The following FBXO34 variants were observed in gnomAD, a reference collection of about 807,000 sequenced individuals.
FBXO34 encodes the protein F-box only protein 34.
In FBXO34, 12 loss-of-function variants were observed where a neutral mutation model predicts 24.5. The ratio of observed to expected loss-of-function variants is 0.49; its 90% confidence interval spans 0.31 to 0.79. The LOEUF is 0.79. FBXO34 is among the 30% of genes least tolerant of loss of function. FBXO34 has a pLI of 0.04. For synonymous variants in FBXO34, 320 were observed against 311.9 expected (o/e 1.03, Z -0.27); for missense variants, 823 against 857.7 (o/e 0.96, Z 0.51).
downstream of FBXO34, among the ~76,000 whole-genome samples, chr14:55,358,589 TG>T (rs981951284): frequency 3.3e-5 from 5 of 151,488 alleles, no homozygotes; most frequent in Admixed American, 2.0e-4. Context: ...ACAAAGATTC[TG>T]GAACAGTGCC....
chr14:55,345,467 T>A (rs1238262070), intron 1 of FBXO34, among the ~76,000 whole-genome samples: 1 of 152,194 alleles, frequency 6.6e-6, no homozygotes, highest in Non-Finnish European at 1.5e-5. Flanking sequence ...AATCAGGACT[T>A]CTCTGACCTG....
the FBXO34 span, chr14:55,428,770 T>C: frequency 1.4e-5 from 22 of 1,579,260 alleles, no homozygotes; most frequent in East Asian, 5.0e-4. Flanking sequence ...TTAAATATCT[T>C]GGTAAATTCA....
the FBXO34 span, among the ~76,000 whole-genome samples, chr14:55,394,113 T>G: frequency 1.1e-4 from 16 of 151,940 alleles, no homozygotes; most frequent in African/African-American, 3.6e-4. Flanking sequence ...TTCAAGTGAT[T>G]CTCCTGCCAC....
At chr14:55,279,145 G>A (rs1289005540) in intron 1 of FBXO34, among the ~76,000 whole-genome samples, 1 of 152,110 alleles carries the variant, frequency 6.6e-6, no homozygotes, top group Non-Finnish European at 1.5e-5. Flanking sequence ...AAATTAGCTG[G>A]GCATGGTGGT....
chr14:55,299,061 C>T, intron 1 of FBXO34: 1 of 1,572,228 alleles, frequency 6.4e-7, no homozygotes, highest in Admixed American at 1.7e-5. Flanking sequence ...AATTTCGAAA[C>T]CTGTAGGGTT....
At chr14:55,386,103 T>C in the FBXO34 span, 1 of 1,600,838 alleles carries the variant, frequency 6.2e-7, no homozygotes, top group Non-Finnish European at 8.5e-7. Context: ...GAATCTAAAA[T>C]AAATAAATCA....
At chr14:55,280,415 T>C (rs545447034) in intron 1 of FBXO34, among the ~76,000 whole-genome samples, 2 of 152,186 alleles carry the variant, frequency 1.3e-5, no homozygotes, top group Non-Finnish European at 2.9e-5. Context: ...CATAACTCTT[T>C]ACATAGCGTT....
chr14:55,271,621 C>T (rs1881146184), intron 1 of FBXO34, 84 bp downstream of exon 1: 1 of 148,294 alleles, frequency 6.7e-6, no homozygotes, highest in Non-Finnish European at 1.5e-5. Context: ...TCCCCGCCCC[C>T]TACCGCCGCC....
chr14:55,422,538 C>T, the FBXO34 span, among the ~76,000 whole-genome samples: 3 of 152,128 alleles, frequency 2.0e-5, no homozygotes, highest in African/African-American at 4.8e-5. Flanking sequence ...CGTGAGCCAC[C>T]GCGCCCGGTC....
chr14:55,289,175 CT>C (rs545942898), intron 1 of FBXO34, among the ~76,000 whole-genome samples: 36 of 152,080 alleles, frequency 2.4e-4, no homozygotes, highest in African/African-American at 6.5e-4. Flanking sequence ...TTAGCCTTCT[CT>C]TTTTTCCCCC....
chr14:55,322,555 G>A (rs542563778), intron 1 of FBXO34, among the ~76,000 whole-genome samples: 1 of 152,108 alleles, frequency 6.6e-6, no homozygotes, highest in South Asian at 2.1e-4. Flanking sequence ...AGGCTGGTCT[G>A]GAATTCCTGG....
At chr14:55,313,463 C>T (rs1882817792) in intron 1 of FBXO34, among the ~76,000 whole-genome samples, 1 of 152,146 alleles carries the variant, frequency 6.6e-6, no homozygotes, top group East Asian at 1.9e-4. Flanking sequence ...AAATTGCTTC[C>T]ACATTGTCGG....
the FBXO34 span, among the ~76,000 whole-genome samples, chr14:55,401,106 C>T: frequency 1.5e-4 from 23 of 152,110 alleles, no homozygotes; most frequent in African/African-American, 5.5e-4. Flanking sequence ...TTATTCTTTG[C>T]TAATCTGATT....
the FBXO34 span, among the ~76,000 whole-genome samples, chr14:55,387,112 G>A: frequency 6.6e-6 from 1 of 151,744 alleles, no homozygotes; most frequent in Non-Finnish European, 1.5e-5. Flanking sequence ...TCGACTCCAC[G>A]CCTTCATGCC....
chr14:55,362,188 CAG>C (rs769582539), downstream of FBXO34, among the ~76,000 whole-genome samples: 9 of 152,146 alleles, frequency 5.9e-5, no homozygotes, highest in Non-Finnish European at 1.3e-4. Context: ...TGTTGTGTCT[CAG>C]GGAATAAGGA....
chr14:55,402,155 A>G, the FBXO34 span, among the ~76,000 whole-genome samples: 1 of 152,122 alleles, frequency 6.6e-6, no homozygotes, highest in African/African-American at 2.4e-5. Context: ...AACTAGCCTC[A>G]CCGTAACACC....
the FBXO34 span, chr14:55,433,656 C>T: frequency 6.2e-7 from 1 of 1,614,120 alleles, no homozygotes; most frequent in Non-Finnish European, 8.5e-7. Context: ...AGACCATCTT[C>T]CCAGAGCTAA....
intron 1 of FBXO34, among the ~76,000 whole-genome samples, chr14:55,276,403 A>G (rs368570809): frequency 3.3e-5 from 5 of 152,034 alleles, no homozygotes; most frequent in African/African-American, 4.8e-5. Flanking sequence ...CCATTCATCA[A>G]TCCTTTTGTT....
intron 1 of FBXO34, among the ~76,000 whole-genome samples, chr14:55,297,760 G>T (rs957501953): frequency 4.6e-5 from 7 of 152,014 alleles, no homozygotes; most frequent in Admixed American, 1.3e-4. Context: ...CCCAAGAAAG[G>T]ATCTCACTAA....
Sources: allele counts gnomAD v4.1 joint callset (sites outside exome capture counted in the v4.1 genomes callset), GRCh38; gene constraint gnomAD v4.1.1; transcripts MANE v1.5; gene names NCBI Gene and HGNC (gene_info 2026-07-23, HGNC 2026-07-21).